NPRL3: variants seen among roughly 807,000 people sequenced by gnomAD.
NPRL3 encodes the protein GATOR1 complex protein NPRL3.
In NPRL3, 23 loss-of-function variants were observed where a neutral mutation model predicts 57.2. That is an observed-to-expected ratio of 0.40 (90% CI 0.29 to 0.57). The LOEUF (loss-of-function observed/expected upper bound fraction) is 0.57. NPRL3 is among the 20% of genes least tolerant of loss of function. The pLI is 0.42. For missense variants in NPRL3, 691 were observed against 767.1 expected (o/e 0.90, Z 1.17); for synonymous variants, 333 against 321.1 (o/e 1.04, Z -0.39).
In NPRL3 at chr16:116,111, G is replaced by C. The variant is rs541364114; in HGVS notation, c.393+1190C>G. Among the ~76,000 whole-genome samples, 3 of 152,216 alleles carry C rather than the reference G, an allele frequency of 2.0e-5. No homozygotes were observed. The South Asian group carries it at 6.2e-4, about 32-fold the overall frequency. On this transcript the variant is annotated intron_variant, in intron 5 of 13. Coordinates refer to ENST00000611875, the MANE Select transcript of NPRL3 (RefSeq NM_001077350.3). ...GTCAAACACTACTCCCCGAGGTGAG[G>C]GCCTGCCTACAGCATCCTGGAAACA...
chr16:86,623 C>T lies in NPRL3; in HGVS notation c.*82G>A. ...GGCCTCAGGGCCAAGAGGGCTCAGC[C>T]TCAGCACGGGGGGAGCCCTGGGGTG... On this transcript the variant is annotated 3_prime_UTR_variant, in exon 14 of 14. Coordinates refer to ENST00000611875, the MANE Select transcript of NPRL3 (RefSeq NM_001077350.3). The T allele has an allele frequency of 2.8e-6, 4 of 1,411,888 alleles. No homozygotes were observed. Among genetic ancestry groups the T allele is most frequent in the Non-Finnish European group, 3.8e-6 (4 of 1,052,140 alleles). 87.5% of individuals were successfully genotyped at this position (1,411,888 alleles called of 1,614,324 possible). A position where few individuals can be genotyped will look rare whatever the true frequency, so the allele number is the denominator to read the frequency against.
At chr16:103,898 T>A (rs935688491) in intron 7 of NPRL3, among the ~76,000 whole-genome samples, 1 of 152,188 alleles carries the variant, frequency 6.6e-6, no homozygotes, top group Non-Finnish European at 1.5e-5. Flanking sequence ...GCAGATCACC[T>A]GAGGTCAGAA....
chr16:133,979 T>C (rs546838711), intron 2 of NPRL3, among the ~76,000 whole-genome samples: 2 of 152,338 alleles, frequency 1.3e-5, no homozygotes, highest in South Asian at 4.1e-4. Context: ...TGCTATCTTA[T>C]GTGGACATGG....
chr16:130,475 C>A, intron 3 of NPRL3, 47 bp downstream of exon 3: 1 of 1,528,864 alleles, frequency 6.5e-7, no homozygotes, highest in South Asian at 1.2e-5. Context: ...TTGCCCAGGC[C>A]TGGGACCAGG....
intron 8 of NPRL3, among the ~76,000 whole-genome samples, chr16:99,984 GAAAA>G (rs11402477): frequency 7.8e-5 from 9 of 115,864 alleles, no homozygotes; most frequent in Admixed American, 7.7e-4. Flanking sequence ...AAAAGAAAAA[GAAAA>G]AAAAAAGAAA....
In NPRL3 at chr16:85,972, A is replaced by G. The variant is rs1284335909; in HGVS notation, c.*733T>C. 3 of 639,986 alleles carry G rather than the reference A, an allele frequency of 4.7e-6. No homozygotes were observed. Among genetic ancestry groups the G allele is most frequent in the Non-Finnish European group, 6.9e-6 (3 of 433,166 alleles). The allele number at this position is 639,986 out of a possible 1,614,324, so 39.6% of individuals were successfully genotyped here. ...CCCGGTGTGGATGCTGGGGAGAATC[A>G]TCAGTGTGGGAGCCGAAAGCCCCCG... On this transcript the variant is annotated 3_prime_UTR_variant, in exon 14 of 14. Coordinates refer to ENST00000611875, the MANE Select transcript of NPRL3 (RefSeq NM_001077350.3).
rs1168595436 is a variant in NPRL3 at position 86,116 on chromosome 16, G to A, written c.*589C>T. The A allele has an allele frequency of 8.1e-6, 2 of 246,874 alleles. No homozygotes were observed. Among genetic ancestry groups the A allele is most frequent in the Admixed American group, 5.1e-5 (1 of 19,610 alleles). 15.3% of individuals were successfully genotyped at this position (246,874 alleles called of 1,614,324 possible). A position where few individuals can be genotyped will look rare whatever the true frequency, so the allele number is the denominator to read the frequency against. On this transcript the variant is annotated 3_prime_UTR_variant, in exon 14 of 14. Coordinates refer to ENST00000611875, the MANE Select transcript of NPRL3 (RefSeq NM_001077350.3). ...TCGTGCCCCAGATGGTCAGGACCAG[G>A]TCACAGCTTGGCTATGAGCCTGTTT...
intron 2 of NPRL3, 117 bp from the exon 3 acceptor site, chr16:130,708 A>T (rs952110742): frequency 5.6e-6 from 5 of 900,882 alleles, no homozygotes; most frequent in South Asian, 1.5e-5. Flanking sequence ...CATACCATGG[A>T]ATATTACTCA....
At chr16:132,968 C>T (rs1187548837) in intron 2 of NPRL3, among the ~76,000 whole-genome samples, 1 of 151,914 alleles carries the variant, frequency 6.6e-6, no homozygotes, top group Non-Finnish European at 1.5e-5. Context: ...CGCACCCGGC[C>T]CACCTTGCAC....
At chr16:113,116 C>T (rs1040772035) in intron 5 of NPRL3, among the ~76,000 whole-genome samples, 2 of 152,120 alleles carry the variant, frequency 1.3e-5, no homozygotes, top group Non-Finnish European at 2.9e-5. Context: ...TCACCAAGGA[C>T]TGAATGGAAG....
intron 3 of NPRL3, among the ~76,000 whole-genome samples, chr16:128,695 G>A (rs562815922): frequency 3.9e-5 from 6 of 152,330 alleles, no homozygotes; most frequent in Non-Finnish European, 8.8e-5. Flanking sequence ...GTGAACCCGG[G>A]AGGCGGAGCC....
chr16:108,647 T>C lies in NPRL3; in HGVS notation c.629+1878A>G, dbSNP rs189964462. Among the ~76,000 whole-genome samples the C allele has an allele frequency of 6.3e-3, 843 of 134,470 alleles. 7 individuals carry two copies. The highest frequency in any genetic ancestry group is 7.2e-3 in the Non-Finnish European group (468 of 64,898). The allele number at this position is 134,470 out of a possible 152,430, so 88.2% of individuals were successfully genotyped here. A position where few individuals can be genotyped will look rare whatever the true frequency, so the allele number is the denominator to read the frequency against. On this transcript the variant is annotated intron_variant, in intron 7 of 13. Transcript: ENST00000611875. ...AAAGTATTTTTTAAATTTTATTTAT[T>C]TTTTATTTTACTTTTGTTTTTTAAT...
At chr16:110,464 C>A in intron 7 of NPRL3, 61 bp downstream of exon 7, 1 of 1,392,998 alleles carries the variant, frequency 7.2e-7, no homozygotes, top group Non-Finnish European at 1.0e-6. Context: ...GACGCTGCTC[C>A]TCAGGCCCAG....
rs374829863 is a variant in NPRL3, at chr16:134,732, C to T, written c.118+3418G>A. On this transcript the variant is annotated intron_variant, in intron 2 of 13. Coordinates refer to ENST00000611875, the MANE Select transcript of NPRL3 (RefSeq NM_001077350.3). Reference sequence around the variant, plus strand: ...TTTTTTTTTTTTTGAGACGGAGTCTCGCTCTGTCGCCCAGGCTGGAGTGCA... The same window carrying T: ...TTTTTTTTTTTTTGAGACGGAGTCTTGCTCTGTCGCCCAGGCTGGAGTGCA... 3.2e-4 allele frequency among the ~76,000 whole-genome samples: 41 copies of T among 126,436 alleles called. 1 individual carries two copies. The South Asian group carries it at 9.5e-3, about 29-fold the overall frequency. The allele number at this position is 126,436 out of a possible 152,430, so 82.9% of individuals were successfully genotyped here. A position where few individuals can be genotyped will look rare whatever the true frequency, so the allele number is the denominator to read the frequency against.
chr16:120,941 A>T (rs1322662192), intron 3 of NPRL3, among the ~76,000 whole-genome samples: 1 of 152,196 alleles, frequency 6.6e-6, no homozygotes, highest in Non-Finnish European at 1.5e-5. Context: ...ACCCAGGGCC[A>T]ACGCCTCACA....
intron 6 of NPRL3, 89 bp downstream of exon 6, chr16:112,533 C>T: frequency 7.7e-7 from 1 of 1,293,070 alleles, no homozygotes; most frequent in Middle Eastern, 2.7e-4. Context: ...ATCATTAACA[C>T]TGAATGACAG....
At chr16:86,966 C>G (rs1374723018) in intron 13 of NPRL3, 96 bp from the exon 14 acceptor site, 2 of 1,251,076 alleles carry the variant, frequency 1.6e-6, no homozygotes, top group Non-Finnish European at 2.2e-6. Context: ...GAGCTGCCCA[C>G]AGGCCTGAAC....
At chr16:105,414 T>C (rs1409305002) in intron 7 of NPRL3, among the ~76,000 whole-genome samples, 4 of 152,202 alleles carry the variant, frequency 2.6e-5, no homozygotes, top group Non-Finnish European at 5.9e-5. Flanking sequence ...GGATGCTGCA[T>C]AACCCAAAAG....
At chr16:125,537 A>T (rs1196787545) in intron 3 of NPRL3, among the ~76,000 whole-genome samples, 1 of 152,220 alleles carries the variant, frequency 6.6e-6, no homozygotes, top group Admixed American at 6.5e-5. Context: ...GGATGGTCCT[A>T]CAACATCCTG....
Sources: gnomAD v4.1 joint callset for allele counts (sites outside exome capture counted in the v4.1 genomes callset) on GRCh38, gnomAD v4.1.1 for gene constraint, MANE v1.5 for transcripts, NCBI Gene and HGNC (gene_info 2026-07-23, HGNC 2026-07-21) for gene names.